Variants in PTPRN2 observed in about 807,000 individuals in gnomAD.
PTPRN2 encodes the protein receptor-type tyrosine-protein phosphatase N2.
In PTPRN2, 74 loss-of-function variants were observed where a neutral mutation model predicts 118.8. That is an observed-to-expected ratio of 0.62 (90% CI 0.52 to 0.76). The LOEUF (loss-of-function observed/expected upper bound fraction) is 0.76. Ranked by LOEUF, PTPRN2 falls within the 30% of genes least tolerant of loss-of-function variation. The probability of loss-of-function intolerance (pLI) is 0.00; values close to 1 mark genes in which losing one functional copy is unlikely to be tolerated. For synonymous variants in PTPRN2, 641 were observed against 608.0 expected (o/e 1.05, Z -0.80); for missense variants, 1,481 against 1,394.4 (o/e 1.06, Z -0.99).
chr7:158,001,974 G>A (rs1805296550), intron 11 of PTPRN2, among the ~76,000 whole-genome samples: 1 of 152,220 alleles, frequency 6.6e-6, no homozygotes, highest in Non-Finnish European at 1.5e-5. Flanking sequence ...CAGGTCCTGG[G>A]ATCACGTTGT....
chr7:158,104,580 G>C (rs944789109), intron 10 of PTPRN2, among the ~76,000 whole-genome samples: 18 of 152,086 alleles, frequency 1.2e-4, no homozygotes, highest in African/African-American at 4.3e-4. Flanking sequence ...GTCAGTAGTG[G>C]AGGAGAGCTT....
At chr7:157,657,255 T>G (rs1029333866) in intron 13 of PTPRN2, among the ~76,000 whole-genome samples, 1 of 56,140 alleles carries the variant, frequency 1.8e-5, no homozygotes, top group Admixed American at 2.0e-4. Context: ...ACATCACACA[T>G]ATACACACAC....
intron 11 of PTPRN2, chr7:158,029,419 T>C (rs1807525069): frequency 6.6e-6 from 1 of 152,232 alleles, no homozygotes. Context: ...GGCTTCCTAA[T>C]CTCTGCAGGC....
intron 2 of PTPRN2, among the ~76,000 whole-genome samples, chr7:158,327,691 T>C (rs1043086630): frequency 2.8e-4 from 42 of 152,234 alleles, no homozygotes; most frequent in Non-Finnish European, 1.2e-4. Flanking sequence ...CCTTTCATTC[T>C]TTCCTGCCTC....
intron 2 of PTPRN2, among the ~76,000 whole-genome samples, chr7:158,379,275 G>A (rs578123481): frequency 2.3e-4 from 35 of 152,312 alleles, no homozygotes; most frequent in Non-Finnish European, 4.9e-4. Context: ...CAGGAGGACC[G>A]GGGTAGGGAA....
intron 11 of PTPRN2, among the ~76,000 whole-genome samples, chr7:157,985,859 C>T (rs1485639991): frequency 6.6e-6 from 1 of 151,944 alleles, no homozygotes; most frequent in Non-Finnish European, 1.5e-5. Context: ...CAGAAAGCTC[C>T]TCCAAGATGC....
In PTPRN2 at chr7:157,798,173, C is replaced by T. The variant is rs12113493; in HGVS notation, c.1788+100500G>A. Reference sequence around the variant, plus strand: ...GCTCGGGAGACTGAGGCAGGAGAATCGTTTGAACCTGGGAGGCGGAGGTTG... The same window carrying T: ...GCTCGGGAGACTGAGGCAGGAGAATTGTTTGAACCTGGGAGGCGGAGGTTG... On this transcript the variant is annotated intron_variant, in intron 12 of 22. Transcript: ENST00000389418. Among the ~76,000 whole-genome samples, 814 of 152,270 alleles carry T rather than the reference C, an allele frequency of 5.3e-3. 6 individuals carry two copies. Among genetic ancestry groups the T allele is most frequent in the African/African-American group, 0.019 (792 of 41,554 alleles).
At position 157,595,260 on chromosome 7, in the gene PTPRN2, G is replaced by T; in HGVS notation, c.2474C>A (p.Ala825Asp). The change falls in exon 17 of 23, where the codon GCC becomes GAC. Residue 825 changes from alanine to aspartate, a missense_variant. Physicochemically the swap from Ala to Asp is moderately radical, Grantham distance 126. Coordinates refer to ENST00000389418, the MANE Select transcript of PTPRN2 (RefSeq NM_002847.5). ...CACCTGCCAAAAGTCAGCCACGGTGGCGGGCAGCGGTCCCTGGGTGGCGAT... is the reference window on the plus strand; with the variant it reads ...CACCTGCCAAAAGTCAGCCACGGTGTCGGGCAGCGGTCCCTGGGTGGCGAT... ...AYIATQGPLP[A>D]TVADFWQMVW... 2 of 1,614,206 alleles carry T rather than the reference G, an allele frequency of 1.2e-6. No homozygotes were observed. Among genetic ancestry groups the T allele is most frequent in the Non-Finnish European group, 1.7e-6 (2 of 1,180,046 alleles).
At chr7:157,827,949 C>T (rs568111392) in intron 12 of PTPRN2, among the ~76,000 whole-genome samples, 1 of 152,294 alleles carries the variant, frequency 6.6e-6, no homozygotes, top group East Asian at 1.9e-4. Flanking sequence ...CACAGTTGGG[C>T]TGACAGGTCT....
At chr7:158,050,643 C>G (rs562581806) in intron 11 of PTPRN2, among the ~76,000 whole-genome samples, 2 of 152,218 alleles carry the variant, frequency 1.3e-5, no homozygotes, top group East Asian at 3.9e-4. Context: ...CGCTCTCCCC[C>G]GTCACGCTGA....
chr7:158,531,654 A>G (rs942054317), intron 1 of PTPRN2, among the ~76,000 whole-genome samples: 1 of 152,262 alleles, frequency 6.6e-6, no homozygotes, highest in African/African-American at 2.4e-5. Flanking sequence ...AGGAGGCTGA[A>G]GCAAGTGCAG....
At chr7:158,191,544 C>T (rs1825767015) in intron 5 of PTPRN2, among the ~76,000 whole-genome samples, 2 of 152,148 alleles carry the variant, frequency 1.3e-5, no homozygotes, top group Non-Finnish European at 2.9e-5. Flanking sequence ...TCTTTCCAGG[C>T]AATGTGGGAC....
chr7:158,407,860 G>A (rs192995112), intron 2 of PTPRN2, among the ~76,000 whole-genome samples: 2 of 152,230 alleles, frequency 1.3e-5, no homozygotes, highest in Non-Finnish European at 2.9e-5. Flanking sequence ...GGCGTGATTA[G>A]CTGGGAGGTT....
At chr7:158,528,376 G>A (rs1404161357) in intron 1 of PTPRN2, among the ~76,000 whole-genome samples, 2 of 152,198 alleles carry the variant, frequency 1.3e-5, no homozygotes, top group East Asian at 1.9e-4. Flanking sequence ...CCCCAGAGCC[G>A]GTCAGCCGTC....
chr7:158,210,303 T>G (rs1348663673), intron 3 of PTPRN2, among the ~76,000 whole-genome samples: 1 of 151,748 alleles, frequency 6.6e-6, no homozygotes, highest in Non-Finnish European at 1.5e-5. Flanking sequence ...GCCTGGCTAA[T>G]TTTTTGTATT....
At chr7:157,666,736 G>A (rs900475146) in intron 13 of PTPRN2, among the ~76,000 whole-genome samples, 2 of 152,370 alleles carry the variant, frequency 1.3e-5, no homozygotes, top group Non-Finnish European at 2.9e-5. Context: ...GAGTTGTTGG[G>A]AGGACTCTGA....
At chr7:157,774,429 G>A (rs900986871) in intron 12 of PTPRN2, among the ~76,000 whole-genome samples, 16 of 152,216 alleles carry the variant, frequency 1.1e-4, no homozygotes, top group African/African-American at 2.7e-4. Context: ...GTGGGCCTGC[G>A]AGGGTTTAGA....
chr7:157,590,211 T>TA lies in PTPRN2; in HGVS notation c.2496+5026dup, dbSNP rs956557160. Among the ~76,000 whole-genome samples the TA allele has an allele frequency of 2.0e-5, 3 of 151,698 alleles. No homozygotes were observed. The highest frequency in any genetic ancestry group is 4.4e-5 in the Non-Finnish European group (3 of 67,906). On this transcript the variant is annotated intron_variant, in intron 17 of 22. Transcript: ENST00000389418. This position sits in a 1 kb window ranked among gnomAD's most constrained non-coding sequence, Gnocchi z 4.0. ...CTTCCTTTAAAATTGTTCCACACTT[T>TA]AAAAAAAAAGTTTATATGACAAAAT...
At chr7:157,851,145 T>C (rs1455387950) in intron 12 of PTPRN2, among the ~76,000 whole-genome samples, 2 of 152,224 alleles carry the variant, frequency 1.3e-5, no homozygotes, top group Non-Finnish European at 2.9e-5. Flanking sequence ...TCTGTGATAA[T>C]TACCAACCCC....
Sources: allele counts gnomAD v4.1 joint callset (sites outside exome capture counted in the v4.1 genomes callset), GRCh38; gene constraint gnomAD v4.1.1; non-coding constraint Gnocchi (gnomAD v3.1); transcripts MANE v1.5; gene names NCBI Gene and HGNC (gene_info 2026-07-23, HGNC 2026-07-21).